The following VAV2 variants were observed in gnomAD, a reference collection of about 807,000 sequenced individuals.
The protein encoded by VAV2 is guanine nucleotide exchange factor VAV2.
VAV2 carries 67 observed loss-of-function variants against 132.5 expected under a neutral mutation model. That is an observed-to-expected ratio of 0.51 (90% CI 0.42 to 0.62). The LOEUF (loss-of-function observed/expected upper bound fraction) is 0.62. Among genes scored for constraint, VAV2 ranks in the 20% least tolerant of loss-of-function variants. The pLI is 0.00. For missense variants in VAV2, 938 were observed against 1,153.6 expected, an observed-to-expected ratio of 0.81 and a Z score of 2.71; for synonymous variants, 492 against 443.5, an observed-to-expected ratio of 1.11 and a Z score of -1.37.
In VAV2 at chr9:133,973,811, A is replaced by T. The variant is rs1031700043; in HGVS notation, c.204+18264T>A. Among the ~76,000 whole-genome samples the T allele has an allele frequency of 1.9e-4, 29 of 152,208 alleles. 1 individual carries two copies. The highest frequency in any genetic ancestry group is 7.0e-4 in the African/African-American group (29 of 41,458). ...AGAAAGGACACCTGCGTGTCCCTAA[A>T]GAGGAAGACAAAATGCAGGGCCCCC... On this transcript the variant is annotated intron_variant, in intron 1 of 29. Coordinates refer to ENST00000371850, the MANE Select transcript of VAV2 (RefSeq NM_001134398.2).
At chr9:133,952,382 T>C (rs2132184378) in intron 1 of VAV2, among the ~76,000 whole-genome samples, 1 of 152,112 alleles carries the variant, frequency 6.6e-6, no homozygotes, top group South Asian at 2.1e-4. Context: ...GGCAAGCAGA[T>C]CATGAGGTCA....
Position 133,928,558 on chromosome 9 carries a change from C to CTGGCCTTT in VAV2, c.321+10544_321+10545insAAAGGCCA, listed in dbSNP as rs1228129717. 6.6e-6 allele frequency among the ~76,000 whole-genome samples: 1 copy of CTGGCCTTT among 152,240 alleles called. No homozygotes were observed. Among genetic ancestry groups the CTGGCCTTT allele is most frequent in the Non-Finnish European group, 1.5e-5 (1 of 68,050 alleles). ...TAGCATCTCAGAGTCATCAGACCGA[C>CTGGCCTTT]TGGCAGAAAGGCCTCGGGTGAGCAC... On this transcript the variant is annotated intron_variant, in intron 2 of 29. Transcript: ENST00000371850. This position sits in a 1 kb window ranked among gnomAD's most constrained non-coding sequence, Gnocchi z 5.4.
At chr9:133,772,073 C>A (rs1307681143) in intron 25 of VAV2, 27 bp from the exon 26 acceptor site, 1 of 1,607,346 alleles carries the variant, frequency 6.2e-7, no homozygotes, top group South Asian at 1.1e-5. Context: ...CCCCGGCGGT[C>A]ACCGCGTGAG....
chr9:133,818,303 T>C (rs1835647275), intron 4 of VAV2, among the ~76,000 whole-genome samples: 1 of 151,096 alleles, frequency 6.6e-6, no homozygotes, highest in African/African-American at 2.4e-5. Flanking sequence ...GAGGCAGAGC[T>C]TGCAGTGAGG....
intron 3 of VAV2, among the ~76,000 whole-genome samples, chr9:133,851,084 T>A (rs560250672): frequency 6.6e-6 from 1 of 152,350 alleles, no homozygotes; most frequent in Admixed American, 6.5e-5. Flanking sequence ...ACCACTTTCA[T>A]GGACAGTCAT....
At chr9:133,817,516 G>A (rs1342385882) in intron 4 of VAV2, among the ~76,000 whole-genome samples, 2 of 152,202 alleles carry the variant, frequency 1.3e-5, no homozygotes, top group Admixed American at 6.5e-5. Context: ...ACTGAGACAG[G>A]AGAATTGTTT....
At position 133,883,369 on chromosome 9, in the gene VAV2, G is replaced by C. The variant is rs549204707; in HGVS notation, c.322-21937C>G. ...TGCCGGGGTGTGCCAAGTGAGTGTG[G>C]GGCTGACGGGTGTGAGCCACAGTGG... On this transcript the variant is annotated intron_variant, in intron 2 of 29. Coordinates refer to ENST00000371850, the MANE Select transcript of VAV2 (RefSeq NM_001134398.2). The surrounding 1 kb of genome is among the most constrained non-coding windows in gnomAD (Gnocchi z 4.2). 2.0e-5 allele frequency among the ~76,000 whole-genome samples: 3 copies of C among 152,338 alleles called. No individual in the cohort carries two copies. Among genetic ancestry groups the C allele is most frequent in the African/African-American group, 7.2e-5 (3 of 41,574 alleles).
chr9:133,790,321 C>T (rs1017364437), intron 13 of VAV2, among the ~76,000 whole-genome samples: 2 of 152,136 alleles, frequency 1.3e-5, no homozygotes, highest in African/African-American at 4.8e-5. Flanking sequence ...CGATTATAGG[C>T]ACCCGCCAGC....
intron 23 of VAV2, 35 bp downstream of exon 23, chr9:133,777,354 C>T: frequency 6.2e-7 from 1 of 1,610,696 alleles, no homozygotes; most frequent in Non-Finnish European, 8.5e-7. Flanking sequence ...ACCCAGGCCA[C>T]CGTGCTCCAG....
chr9:133,932,717 T>C (rs2132112207), intron 2 of VAV2, among the ~76,000 whole-genome samples: 1 of 55,776 alleles, frequency 1.8e-5, no homozygotes, highest in South Asian at 8.8e-4. Flanking sequence ...ACGGAAGCTT[T>C]GCTCTCACCC....
chr9:133,822,852 G>T (rs1835848609), intron 4 of VAV2, among the ~76,000 whole-genome samples: 1 of 152,318 alleles, frequency 6.6e-6, no homozygotes, highest in Non-Finnish European at 1.5e-5. Context: ...CCAGGGGAAT[G>T]TCCCGGGCCA....
Position 133,787,055 on chromosome 9 carries a change from T to G in VAV2, c.1422+191A>C, listed in dbSNP as rs557648248. On this transcript the variant is annotated intron_variant, in intron 16 of 29. Transcript: ENST00000371850. ...ATCACGGAGTTTTCCTTTCACACTGTCTTAGCGGGCAAGCCTTTCATCATG... is the reference window on the plus strand; with the variant it reads ...ATCACGGAGTTTTCCTTTCACACTGGCTTAGCGGGCAAGCCTTTCATCATG... Among the ~76,000 whole-genome samples the G allele has an allele frequency of 9.2e-5, 14 of 152,256 alleles. 1 individual carries two copies. Among genetic ancestry groups the G allele is most frequent in the African/African-American group, 2.9e-4 (12 of 41,534 alleles).
At chr9:133,897,080 C>T (rs1228872605) in intron 2 of VAV2, among the ~76,000 whole-genome samples, 6 of 152,048 alleles carry the variant, frequency 3.9e-5, no homozygotes, top group Admixed American at 1.3e-4. Context: ...GGCGACAGAG[C>T]GAGACTCCAT....
intron 4 of VAV2, among the ~76,000 whole-genome samples, chr9:133,827,836 A>G (rs532705923): frequency 0.024 from 6 of 254 alleles, 3 homozygotes; most frequent in Admixed American, 0.11. Context: ...TGGGGGCATC[A>G]CCACCTACCG....
chr9:133,827,441 G>GGC lies in VAV2; in HGVS notation c.449+6830_449+6831insGC, dbSNP rs1564384491. 1.1e-3 allele frequency among the ~76,000 whole-genome samples: 4 copies of GGC among 3,682 alleles called. 2 individuals are homozygous for GGC. The highest frequency in any genetic ancestry group is 9.9e-4 in the Non-Finnish European group (2 of 2,030). The allele number at this position is 3,682 out of a possible 152,430, so 2.4% of individuals were successfully genotyped here. A position where few individuals can be genotyped will look rare whatever the true frequency, so the allele number is the denominator to read the frequency against. ...TGTGCCCACTGAGGCTGACCACTGA[G>GGC]TGGGGGCATCACCACCTACCGCTGC... On this transcript the variant is annotated intron_variant, in intron 4 of 29. Coordinates refer to ENST00000371850, the MANE Select transcript of VAV2 (RefSeq NM_001134398.2).
intron 4 of VAV2, among the ~76,000 whole-genome samples, chr9:133,817,306 G>A (rs1356738562): frequency 2.0e-5 from 3 of 152,170 alleles, no homozygotes; most frequent in Admixed American, 1.3e-4. Flanking sequence ...CATCCCACAC[G>A]TCTCAGGCTC....
intron 2 of VAV2, among the ~76,000 whole-genome samples, chr9:133,896,960 G>A (rs1292648503): frequency 3.3e-5 from 5 of 152,176 alleles, no homozygotes; most frequent in African/African-American, 7.2e-5. Context: ...CCGGCGTGGT[G>A]GCGGGCGCCT....
In VAV2 at chr9:133,762,410, C is replaced by T. The variant is rs1833288843; in HGVS notation, c.*1652G>A. ...CCCCTTAAAAAACAAACAAGCCAAA[C>T]AAAACACAAACAAAACAAAAACCCC... On this transcript the variant is annotated 3_prime_UTR_variant, in exon 30 of 30. Coordinates refer to ENST00000371850, the MANE Select transcript of VAV2 (RefSeq NM_001134398.2). The surrounding 1 kb of genome is among the most constrained non-coding windows in gnomAD (Gnocchi z 5.0). The T allele has an allele frequency of 6.6e-6, 1 of 152,462 alleles. No individual in the cohort carries two copies. Among genetic ancestry groups the T allele is most frequent in the East Asian group, 1.9e-4 (1 of 5,186 alleles). 9.4% of individuals were successfully genotyped at this position (152,462 alleles called of 1,614,324 possible).
chr9:133,898,945 C>T (rs1839330980), intron 2 of VAV2, among the ~76,000 whole-genome samples: 1 of 151,378 alleles, frequency 6.6e-6, no homozygotes, highest in Non-Finnish European at 1.5e-5. Flanking sequence ...CCTCAGCCTC[C>T]CCAATAGCTG....
Sources: allele counts gnomAD v4.1 joint callset (sites outside exome capture counted in the v4.1 genomes callset), GRCh38; gene constraint gnomAD v4.1.1; non-coding constraint Gnocchi (gnomAD v3.1); transcripts MANE v1.5; gene names NCBI Gene and HGNC (gene_info 2026-07-23, HGNC 2026-07-21).